EPHB1: variants seen among roughly 807,000 people sequenced by gnomAD.
The protein encoded by EPHB1 is ephrin type-B receptor 1.
Under a neutral mutation model 94.4 loss-of-function variants are expected in EPHB1, and 30 were observed. That is an observed-to-expected ratio of 0.32 (90% CI 0.24 to 0.43). The LOEUF is 0.43. Among genes scored for constraint, EPHB1 ranks in the 20% least tolerant of loss-of-function variants. The pLI is 1.00. For missense variants in EPHB1, 1,055 were observed against 1,308.3 expected (o/e 0.81, Z 2.99); for synonymous variants, 522 against 489.1 (o/e 1.07, Z -0.89).
chr3:135,198,514 G>A (rs1415661637), intron 11 of EPHB1, among the ~76,000 whole-genome samples: 1 of 152,144 alleles, frequency 6.6e-6, no homozygotes, highest in African/African-American at 2.4e-5. Flanking sequence ...ACAATTACAG[G>A]TGCCTATCTG....
At chr3:134,976,274 G>A (rs946012630) in intron 3 of EPHB1, among the ~76,000 whole-genome samples, 3 of 152,202 alleles carry the variant, frequency 2.0e-5, no homozygotes, top group Non-Finnish European at 2.9e-5. Flanking sequence ...CAGAGAGGAG[G>A]CGCCAAGGAC....
intron 3 of EPHB1, among the ~76,000 whole-genome samples, chr3:135,061,571 T>C (rs1937510645): frequency 6.6e-6 from 1 of 152,130 alleles, no homozygotes; most frequent in South Asian, 2.1e-4. Context: ...CTGAGTAGTA[T>C]TCCATCATAT....
chr3:135,142,432 G>A (rs922896928), intron 5 of EPHB1, among the ~76,000 whole-genome samples: 1 of 152,188 alleles, frequency 6.6e-6, no homozygotes. Context: ...ACAGTCATAT[G>A]CTCTGAAAAG....
chr3:135,043,228 C>T (rs934772857), intron 3 of EPHB1, among the ~76,000 whole-genome samples: 18 of 151,746 alleles, frequency 1.2e-4, no homozygotes, highest in African/African-American at 4.4e-4. Context: ...ATTTTATTTT[C>T]TTGTGGATAT....
At chr3:134,816,683 T>C (rs1192745889) in intron 1 of EPHB1, among the ~76,000 whole-genome samples, 1 of 152,024 alleles carries the variant, frequency 6.6e-6, no homozygotes, top group Non-Finnish European at 1.5e-5. Flanking sequence ...ATCATTCTTC[T>C]GCTTGCCAAT....
At chr3:135,123,023 G>A (rs561475813) in intron 4 of EPHB1, among the ~76,000 whole-genome samples, 1 of 152,308 alleles carries the variant, frequency 6.6e-6, no homozygotes, top group South Asian at 2.1e-4. Flanking sequence ...AGGGACAGGA[G>A]CTTTTTCCTG....
chr3:135,255,495 A>C (rs1263985913), intron 15 of EPHB1, among the ~76,000 whole-genome samples: 1 of 145,716 alleles, frequency 6.9e-6, no homozygotes, highest in Non-Finnish European at 1.5e-5. Flanking sequence ...ATTCAGGAGC[A>C]GGTTGTTCAG....
intron 13 of EPHB1, among the ~76,000 whole-genome samples, chr3:135,247,279 GT>G (rs1943949168): frequency 6.6e-6 from 1 of 152,132 alleles, no homozygotes. Flanking sequence ...GTTGGTTTTT[GT>G]TTTTTACAAA....
At chr3:134,919,730 C>T (rs1237840214) in intron 1 of EPHB1, among the ~76,000 whole-genome samples, 1 of 152,126 alleles carries the variant, frequency 6.6e-6, no homozygotes, top group Admixed American at 6.5e-5. Flanking sequence ...CTAGGGAAGG[C>T]AGACGACCCA....
chr3:134,999,229 G>A (rs1259315576), intron 3 of EPHB1, among the ~76,000 whole-genome samples: 1 of 152,182 alleles, frequency 6.6e-6, no homozygotes, highest in African/African-American at 2.4e-5. Context: ...AAGAAAAAAA[G>A]AGAGCTTGAG....
At chr3:135,237,245 T>G (rs1463787571) in intron 12 of EPHB1, among the ~76,000 whole-genome samples, 2 of 151,452 alleles carry the variant, frequency 1.3e-5, no homozygotes, top group Non-Finnish European at 2.9e-5. Context: ...ATTAATTCGC[T>G]GCCAGATATC....
At chr3:135,053,287 A>G (rs1937249083) in intron 3 of EPHB1, among the ~76,000 whole-genome samples, 4 of 152,052 alleles carry the variant, frequency 2.6e-5, no homozygotes, top group South Asian at 4.2e-4. Context: ...CATCTAACAA[A>G]ATATCATATG....
intron 4 of EPHB1, among the ~76,000 whole-genome samples, chr3:135,118,010 C>T (rs777827059): frequency 3.9e-5 from 6 of 152,180 alleles, no homozygotes; most frequent in African/African-American, 7.2e-5. Flanking sequence ...TGCCAGTACT[C>T]CATGAGCAAT....
intron 15 of EPHB1, among the ~76,000 whole-genome samples, chr3:135,258,459 A>T (rs1196003575): frequency 1.3e-5 from 2 of 152,196 alleles, no homozygotes; most frequent in African/African-American, 4.8e-5. Flanking sequence ...TCCTGGACAT[A>T]TTCCTTGGGT....
chr3:134,879,629 G>A (rs2037687620), intron 1 of EPHB1, among the ~76,000 whole-genome samples: 1 of 152,132 alleles, frequency 6.6e-6, no homozygotes, highest in South Asian at 2.1e-4. Flanking sequence ...TCCAGCCTGG[G>A]AGACAGAGCG....
chr3:134,828,259 AAAAC>A (rs2036521665), intron 1 of EPHB1, among the ~76,000 whole-genome samples: 1 of 152,234 alleles, frequency 6.6e-6, no homozygotes, highest in Non-Finnish European at 1.5e-5. Flanking sequence ...GGATGTAGGT[AAAAC>A]CAACACTGTG....
intron 9 of EPHB1, among the ~76,000 whole-genome samples, chr3:135,167,668 G>A (rs6786445): frequency 6.6e-6 from 1 of 152,154 alleles, no homozygotes; most frequent in Non-Finnish European, 1.5e-5. Flanking sequence ...TCTGAGAAAG[G>A]TCTCTCTAGG....
chr3:135,039,720 C>T lies in EPHB1; in HGVS notation c.806-66728C>T, dbSNP rs539321520. Among the ~76,000 whole-genome samples, 42 of 152,338 alleles carry T rather than the reference C, an allele frequency of 2.8e-4. No individual in the cohort carries two copies. The East Asian group carries it at 7.9e-3, about 29-fold the overall frequency. ...GGCCAGCAGGGCTGGCTGGCTGCTT[C>T]GAGTGCGGGGCCCACCAAGCCCATG... is the stretch of plus-strand genomic sequence containing the variant. On this transcript the variant is annotated intron_variant, in intron 3 of 15. Coordinates refer to ENST00000398015, the MANE Select transcript of EPHB1 (RefSeq NM_004441.5).
chr3:135,070,985 G>A (rs1014711821), intron 3 of EPHB1, among the ~76,000 whole-genome samples: 1 of 152,158 alleles, frequency 6.6e-6, no homozygotes, highest in Admixed American at 6.5e-5. Context: ...CTCTGGCCAG[G>A]GAGGGTCAGA....
Sources: allele counts gnomAD v4.1 joint callset (sites outside exome capture counted in the v4.1 genomes callset), GRCh38; gene constraint gnomAD v4.1.1; transcripts MANE v1.5; gene names NCBI Gene and HGNC (gene_info 2026-07-23, HGNC 2026-07-21).